OTX2: variants seen among roughly 807,000 people sequenced by gnomAD.
OTX2 encodes homeobox protein OTX2.
OTX2 carries 4 observed loss-of-function variants against 29.0 expected under a neutral mutation model. The ratio of observed to expected loss-of-function variants is 0.14; its 90% CI spans 0.07 to 0.32. The LOEUF (loss-of-function observed/expected upper bound fraction) is 0.32. Among genes scored for constraint, OTX2 ranks in the 10% least tolerant of loss-of-function variants. The pLI is 1.00. For missense variants in OTX2, 298 were observed against 365.9 expected, an observed-to-expected ratio of 0.81 and a Z score of 1.51; for synonymous variants, 134 against 141.0, an observed-to-expected ratio of 0.95 and a Z score of 0.35.
At chr14:56,807,083 C>T (rs1454271931) in intron 2 of OTX2, among the ~76,000 whole-genome samples, 2 of 152,142 alleles carry the variant, frequency 1.3e-5, no homozygotes, top group Non-Finnish European at 2.9e-5. Flanking sequence ...AAATTCAGAG[C>T]ACAAAAGTCA....
chr14:56,806,776 T>C (rs2139540336), intron 2 of OTX2: 1 of 152,344 alleles, frequency 6.6e-6, no homozygotes, highest in Non-Finnish European at 1.5e-5. Context: ...AGAAAAGTTA[T>C]TTACTTTCTT....
chr14:56,806,912 T>G (rs529498857), intron 2 of OTX2, among the ~76,000 whole-genome samples: 1 of 152,140 alleles, frequency 6.6e-6, no homozygotes, highest in Non-Finnish European at 1.5e-5. Flanking sequence ...ATCTCTACTT[T>G]GAAACTTTGA....
chr14:56,809,072 C>A (rs1892187396), intron 2 of OTX2, among the ~76,000 whole-genome samples: 1 of 152,212 alleles, frequency 6.6e-6, no homozygotes, highest in African/African-American at 2.4e-5. Context: ...AGCCACGACA[C>A]CTCATTGTCC....
Position 56,804,062 on chromosome 14 carries a change from C to CT in OTX2, c.273+125dup. The stretch of plus-strand genomic sequence containing the variant: ...CAGAAGGAGAATAGTTTCCTGGCCC[C>CT]TTAGTGAGTGAAGGAGAATTTCAAG... On this transcript the variant is annotated intron_variant, in intron 4 of 4. Coordinates refer to ENST00000672264, the MANE Select transcript of OTX2 (RefSeq NM_021728.4). The surrounding 1 kb of genome is among the most constrained non-coding windows in gnomAD (Gnocchi z 4.1). 8.8e-7 allele frequency: 1 copy of CT among 1,137,028 alleles called. No homozygotes were observed. The highest frequency in any genetic ancestry group is 1.3e-5 in the South Asian group (1 of 76,820). The allele number at this position is 1,137,028 out of a possible 1,614,324, so 70.4% of individuals were successfully genotyped here. A position where few individuals can be genotyped will look rare whatever the true frequency, so the allele number is the denominator to read the frequency against.
Position 56,801,238 on chromosome 14 carries a change from G to T in OTX2, c.*497C>A. The stretch of plus-strand genomic sequence containing the variant: ...TTTTTAAATAAAGTAGTGCATCTAG[G>T]ACAATCAGTCACACAATTCACACAG... On this transcript the variant is annotated 3_prime_UTR_variant, in exon 5 of 5. Coordinates refer to ENST00000672264, the MANE Select transcript of OTX2 (RefSeq NM_021728.4). This position sits in a 1 kb window ranked among gnomAD's most constrained non-coding sequence, Gnocchi z 4.2. 4.8e-6 allele frequency: 1 copy of T among 206,318 alleles called. No individual in the cohort carries two copies. The highest frequency in any genetic ancestry group is 9.9e-6 in the Non-Finnish European group (1 of 100,536). 12.8% of individuals were successfully genotyped at this position (206,318 alleles called of 1,614,324 possible).
At chr14:56,809,442 A>G (rs1892201784) in intron 2 of OTX2, among the ~76,000 whole-genome samples, 1 of 132,512 alleles carries the variant, frequency 7.5e-6, no homozygotes. Flanking sequence ...GGAGATCTGG[A>G]AGCTTTTGGG....
intron 2 of OTX2, among the ~76,000 whole-genome samples, chr14:56,808,873 A>T (rs1892179785): frequency 6.6e-6 from 1 of 152,234 alleles, no homozygotes; most frequent in African/African-American, 2.4e-5. Context: ...GTTTCCAAAA[A>T]TATGTCCCGA....
In OTX2 at chr14:56,807,970, GGCAGCCCCGCAGCCCCGCAGCCCC is replaced by G. The variant is rs537642936; in HGVS notation, c.-120+2165_-120+2188del. ...GTGCCTGGGTCCCGCGTTCCTGCCCGGCAGCCCCGCAGCCCCGCAGCCCCGCAGCCCCGCAGCCCCGCAGGCCTG... is the reference window on the plus strand; with the variant it reads ...GTGCCTGGGTCCCGCGTTCCTGCCCGGCAGCCCCGCAGCCCCGCAGGCCTG... On this transcript the variant is annotated intron_variant, in intron 2 of 4. Coordinates refer to ENST00000672264, the MANE Select transcript of OTX2 (RefSeq NM_021728.4). 9.3e-3 allele frequency among the ~76,000 whole-genome samples: 1,410 copies of G among 151,104 alleles called. 30 individuals carry two copies. Among genetic ancestry groups the G allele is most frequent in the African/African-American group, 0.033 (1,348 of 41,260 alleles).
rs2139530836 is a variant in OTX2 at position 56,802,964 on chromosome 14, T to C, written c.274-609A>G. ...AAAGCCACTATTTGCTAAAAGCTTC[T>C]TTGTGGTAAAAGGAGTGACTTACAT... On this transcript the variant is annotated intron_variant, in intron 4 of 4. Coordinates refer to ENST00000672264, the MANE Select transcript of OTX2 (RefSeq NM_021728.4). This position sits in a 1 kb window ranked among gnomAD's most constrained non-coding sequence, Gnocchi z 4.4. 6.6e-6 allele frequency among the ~76,000 whole-genome samples: 1 copy of C among 152,322 alleles called. No homozygotes were observed.
In OTX2 at chr14:56,801,029, T is replaced by C. The variant is rs1448679301; in HGVS notation, c.*706A>G. ...ATCAGTACTCAGTTGCTCTGAATTTTGCTTATAATTATAACCTATTTAATC... is the reference window on the plus strand; with the variant it reads ...ATCAGTACTCAGTTGCTCTGAATTTCGCTTATAATTATAACCTATTTAATC... On this transcript the variant is annotated 3_prime_UTR_variant, in exon 5 of 5. Transcript: ENST00000672264. The surrounding 1 kb of genome is among the most constrained non-coding windows in gnomAD (Gnocchi z 4.2). The C allele has an allele frequency of 6.5e-6, 1 of 153,872 alleles. No homozygotes were observed. Among genetic ancestry groups the C allele is most frequent in the Non-Finnish European group, 1.4e-5 (1 of 69,014 alleles). 9.5% of individuals were successfully genotyped at this position (153,872 alleles called of 1,614,324 possible). A position where few individuals can be genotyped will look rare whatever the true frequency, so the allele number is the denominator to read the frequency against.
Position 56,804,406 on chromosome 14 carries a change from C to T in OTX2, c.98-43G>A, listed in dbSNP as rs112039864. ...AGTTTCTCAGTCATAGGCGTTTCCG[C>T]GGGTTCTCCGACGCCCCTGCCCTCC... On this transcript the variant is annotated intron_variant, in intron 3 of 4. Coordinates refer to ENST00000672264, the MANE Select transcript of OTX2 (RefSeq NM_021728.4). This position sits in a 1 kb window ranked among gnomAD's most constrained non-coding sequence, Gnocchi z 4.1. 5.1e-6 allele frequency: 8 copies of T among 1,575,170 alleles called. No homozygotes were observed. The highest frequency in any genetic ancestry group is 4.3e-6 in the Non-Finnish European group (5 of 1,156,284).
Position 56,801,588 on chromosome 14 carries a change from C to A in OTX2, c.*147G>T, listed in dbSNP as rs1478094910. The A allele has an allele frequency of 2.6e-5, 23 of 871,792 alleles. No individual in the cohort carries two copies. Among genetic ancestry groups the A allele is most frequent in the Non-Finnish European group, 3.9e-5 (21 of 538,362 alleles). The allele number at this position is 871,792 out of a possible 1,614,324, so 54.0% of individuals were successfully genotyped here. On this transcript the variant is annotated 3_prime_UTR_variant, in exon 5 of 5. Coordinates refer to ENST00000672264, the MANE Select transcript of OTX2 (RefSeq NM_021728.4). The surrounding 1 kb of genome is among the most constrained non-coding windows in gnomAD (Gnocchi z 4.2). ...GTTTGTAGGCCCCTCTAAGGCCCTTCGTTTTTCCTTCTATGCCTCTCGGAA... is the reference window on the plus strand; with the variant it reads ...GTTTGTAGGCCCCTCTAAGGCCCTTAGTTTTTCCTTCTATGCCTCTCGGAA...
At chr14:56,810,353 G>A (rs980550297) in intron 1 of OTX2, 23 bp downstream of exon 1, 1 of 152,128 alleles carries the variant, frequency 6.6e-6, no homozygotes, top group Non-Finnish European at 1.5e-5. Flanking sequence ...CTAAACACGC[G>A]TGGGCCCCTC....
Position 56,802,135 on chromosome 14 carries a change from A to T in OTX2, c.494T>A (p.Ile165Asn), listed in dbSNP as rs756087368. The T allele has an allele frequency of 1.2e-6, 2 of 1,614,100 alleles. No homozygotes were observed. The highest frequency in any genetic ancestry group is 1.7e-6 in the Non-Finnish European group (2 of 1,179,986). Residue 165 changes from isoleucine (I) to asparagine (N), a missense_variant, in exon 5 of 5, where the codon ATC (isoleucine) becomes AAC (asparagine). This residue lies in a region of OTX2 where 219 missense variants were observed against 223.5 expected (regional missense o/e 0.98). Coordinates refer to ENST00000672264, the MANE Select transcript of OTX2 (RefSeq NM_021728.4). The surrounding 1 kb of genome is among the most constrained non-coding windows in gnomAD (Gnocchi z 4.4). ...APVSIWSPAS[I>N]SPLSDPLSTS... ...GGACAAGGGATCTGACAGTGGGGAG[A>T]TGGAAGCTGGGCTCCAGATAGACAC... is the stretch of plus-strand genomic sequence containing the variant.
Position 56,804,335 on chromosome 14 carries a change from G to C in OTX2, c.126C>G (p.Thr42=). ...TCCTCTCCCGGCGCTGTTTCCGGGGGGTGGCTGCGGGACAAGAAGCCCAGG... is the reference window on the plus strand; with the variant it reads ...TCCTCTCCCGGCGCTGTTTCCGGGGCGTGGCTGCGGGACAAGAAGCCCAGG... The part of the protein sequence containing the change: ...PGPWASCPAA[T]PRKQRRERTT... Residue 42 remains threonine (T), a synonymous_variant, in exon 4 of 5, where the codon ACC becomes ACG. Coordinates refer to ENST00000672264, the MANE Select transcript of OTX2 (RefSeq NM_021728.4). The surrounding 1 kb of genome is among the most constrained non-coding windows in gnomAD (Gnocchi z 4.1). 1 of 1,613,952 alleles carries C rather than the reference G, an allele frequency of 6.2e-7. No homozygotes were observed. The highest frequency in any genetic ancestry group is 8.5e-7 in the Non-Finnish European group (1 of 1,180,014).
At chr14:56,805,166 A>G (rs749680917) in intron 3 of OTX2, among the ~76,000 whole-genome samples, 194 bp downstream of exon 3, 1 of 152,108 alleles carries the variant, frequency 6.6e-6, no homozygotes, top group Non-Finnish European at 1.5e-5. Flanking sequence ...ACTTTTCCCA[A>G]CCCCTGTTCT....
chr14:56,808,399 G>A (rs1045984310), intron 2 of OTX2, among the ~76,000 whole-genome samples: 18 of 152,136 alleles, frequency 1.2e-4, no homozygotes, highest in Non-Finnish European at 1.6e-4. Context: ...AAAAGGAGAC[G>A]TGTGGGCACC....
In OTX2 at chr14:56,800,060, G is replaced by C. The variant is rs1891823334; in HGVS notation, c.*1675C>G. The C allele has an allele frequency of 6.6e-6, 1 of 152,112 alleles. No homozygotes were observed. The highest frequency in any genetic ancestry group is 1.5e-5 in the Non-Finnish European group (1 of 68,012). The allele number at this position is 152,112 out of a possible 1,614,324, so 9.4% of individuals were successfully genotyped here. A position where few individuals can be genotyped will look rare whatever the true frequency, so the allele number is the denominator to read the frequency against. ...GGCCCATTTGTCTTTTCTGGTGACT[G>C]GTTTACAAAATGCAGGTACAACTGA... On this transcript the variant is annotated 3_prime_UTR_variant, in exon 5 of 5. Transcript: ENST00000672264.
At position 56,804,406 on chromosome 14, in the gene OTX2, CG is replaced by C. The variant is rs1566624706; in HGVS notation, c.98-44del. The C allele has an allele frequency of 1.3e-6, 2 of 1,575,170 alleles. No individual in the cohort carries two copies. The highest frequency in any genetic ancestry group is 3.4e-5 in the Admixed American group (2 of 58,268). On this transcript the variant is annotated intron_variant, in intron 3 of 4. Transcript: ENST00000672264. The surrounding 1 kb of genome is among the most constrained non-coding windows in gnomAD (Gnocchi z 4.1). ...AGTTTCTCAGTCATAGGCGTTTCCGCGGGTTCTCCGACGCCCCTGCCCTCCA... is the reference window on the plus strand; with the variant it reads ...AGTTTCTCAGTCATAGGCGTTTCCGCGGTTCTCCGACGCCCCTGCCCTCCA...
Sources: allele counts gnomAD v4.1 joint callset (sites outside exome capture counted in the v4.1 genomes callset), GRCh38; gene constraint gnomAD v4.1.1; regional missense constraint gnomAD v4.1.1; non-coding constraint Gnocchi (gnomAD v3.1); transcripts MANE v1.5; gene names NCBI Gene and HGNC (gene_info 2026-07-23, HGNC 2026-07-21).